The following VWA3B variants were observed in gnomAD, a reference collection of about 807,000 sequenced individuals.
The protein encoded by VWA3B is von Willebrand factor A domain containing 3B.
In VWA3B, 138 loss-of-function variants were observed where a neutral mutation model predicts 158.3. The ratio of observed to expected loss-of-function variants is 0.87; its 90% CI spans 0.76 to 1.00. The LOEUF (loss-of-function observed/expected upper bound fraction) is 1.00, where lower values mean the gene tolerates loss of function less well. Among genes scored for constraint, VWA3B ranks in the 50% least tolerant of loss-of-function variants. The pLI is 0.00. For missense variants in VWA3B, 1,555 were observed against 1,565.1 expected (o/e 0.99, Z 0.11); for synonymous variants, 596 against 587.3 (o/e 1.01, Z -0.21).
intron 12 of VWA3B, chr2:98,206,689 A>G: frequency 3.0e-6 from 1 of 331,040 alleles, no homozygotes; most frequent in African/African-American, 2.2e-5. Context: ...TTGAGCAAGA[A>G]ATTCTGGTGG....
chr2:98,270,669 C>G lies in VWA3B; in HGVS notation c.2844-13C>G, dbSNP rs62157895. ...TCTTCCTCTGTTTGTTTGTTTGTTT[C>G]TTTGTTTTTTAGGTTAGATGCAAAC... On this transcript the variant is annotated splice_polypyrimidine_tract_variant and intron_variant, in intron 21 of 27. Coordinates refer to ENST00000477737, the MANE Select transcript of VWA3B (RefSeq NM_144992.5). 0.056 allele frequency: 89,699 copies of G among 1,602,864 alleles called. 3,071 individuals are homozygous for G. The highest frequency in any genetic ancestry group is 0.067 in the Non-Finnish European group (78,496 of 1,173,984).
intron 12 of VWA3B, among the ~76,000 whole-genome samples, chr2:98,209,565 C>G (rs191470874): frequency 1.3e-5 from 2 of 152,172 alleles, no homozygotes; most frequent in African/African-American, 4.8e-5. Flanking sequence ...CAGGCGTGAG[C>G]CACCGCGCCC....
At chr2:98,194,319 A>T in intron 11 of VWA3B, 42 bp from the exon 12 acceptor site, 1 of 1,598,322 alleles carries the variant, frequency 6.3e-7, no homozygotes, top group African/African-American at 1.3e-5. Flanking sequence ...CCTTTCTAAC[A>T]TCTGAGTGGT....
chr2:98,156,730 C>T (rs1195037498), intron 7 of VWA3B, among the ~76,000 whole-genome samples: 2 of 138,822 alleles, frequency 1.4e-5, no homozygotes, highest in African/African-American at 2.6e-5. Flanking sequence ...TCTGAATTTA[C>T]ATGTCAATAA....
At chr2:98,089,273 T>C (rs1682098943) in intron 1 of VWA3B, among the ~76,000 whole-genome samples, 1 of 152,178 alleles carries the variant, frequency 6.6e-6, no homozygotes, top group African/African-American at 2.4e-5. Flanking sequence ...TTTGTCTCCG[T>C]AGTCATTGAA....
chr2:98,124,421 A>T (rs1199912125), intron 5 of VWA3B, among the ~76,000 whole-genome samples: 1 of 152,142 alleles, frequency 6.6e-6, no homozygotes, highest in Non-Finnish European at 1.5e-5. Flanking sequence ...GAGACCCTGA[A>T]ACCTGGGAGG....
chr2:98,242,714 G>A (rs1686158060), intron 19 of VWA3B, among the ~76,000 whole-genome samples: 1 of 144,262 alleles, frequency 6.9e-6, no homozygotes, highest in African/African-American at 2.6e-5. Context: ...AGTATGCAGT[G>A]CACCCTCATC....
At chr2:98,179,646 CCTTT>C (rs765325773) in intron 8 of VWA3B, among the ~76,000 whole-genome samples, 9 of 152,100 alleles carry the variant, frequency 5.9e-5, no homozygotes, top group East Asian at 1.9e-4. Flanking sequence ...TTCCTTTCTT[CCTTT>C]CTTTCTCTTT....
intron 23 of VWA3B, chr2:98,291,034 C>T (rs1166837458): frequency 7.0e-5 from 11 of 157,974 alleles, no homozygotes; most frequent in Non-Finnish European, 1.5e-4. Context: ...AGATACAGTG[C>T]CATAGAGAAA....
intron 8 of VWA3B, among the ~76,000 whole-genome samples, chr2:98,168,453 T>A (rs2105281027): frequency 6.6e-6 from 1 of 151,758 alleles, no homozygotes; most frequent in South Asian, 2.1e-4. Context: ...TTCAAAAAAT[T>A]CTTTGAATGT....
Position 98,231,966 on chromosome 2 carries a change from T to C in VWA3B, c.2308+1759T>C, listed in dbSNP as rs10177774. Among the ~76,000 whole-genome samples the C allele has an allele frequency of 2.0e-3, 304 of 152,314 alleles. 1 individual carries two copies. The highest frequency in any genetic ancestry group is 7.0e-3 in the African/African-American group (291 of 41,560). ...ATCTATAGTTCTTTTAATTTTTCTT[T>C]TTTAACACTGACTTCATCCAGCTTT... On this transcript the variant is annotated intron_variant, in intron 16 of 27. Transcript: ENST00000477737.
intron 8 of VWA3B, among the ~76,000 whole-genome samples, chr2:98,175,010 A>G (rs1679887299): frequency 6.6e-6 from 1 of 152,218 alleles, no homozygotes; most frequent in Non-Finnish European, 1.5e-5. Flanking sequence ...GTGATAAACA[A>G]ACAACCACCA....
intron 19 of VWA3B, among the ~76,000 whole-genome samples, chr2:98,248,621 C>T (rs968820647): frequency 6.6e-6 from 1 of 152,146 alleles, no homozygotes; most frequent in African/African-American, 2.4e-5. Flanking sequence ...TTGAGCCTGA[C>T]ATAGGCCTTT....
intron 2 of VWA3B, among the ~76,000 whole-genome samples, chr2:98,113,243 G>T (rs1674282256): frequency 6.6e-6 from 1 of 152,190 alleles, no homozygotes; most frequent in South Asian, 2.1e-4. Context: ...GTGAATGGTT[G>T]TAGAGACTTT....
At chr2:98,106,338 A>AAAATTGTT (rs1673656745) in intron 2 of VWA3B, among the ~76,000 whole-genome samples, 1 of 151,472 alleles carries the variant, frequency 6.6e-6, no homozygotes, top group African/African-American at 2.4e-5. Flanking sequence ...TTTTTTTTTC[A>AAAATTGTT]AAATTGTTTT....
chr2:98,163,127 G>A (rs920693370), intron 8 of VWA3B, 151 bp downstream of exon 8: 2 of 1,244,212 alleles, frequency 1.6e-6, no homozygotes, highest in Admixed American at 2.4e-5. Flanking sequence ...GTGGGGTGAG[G>A]GGTGGGGAGG....
chr2:98,170,740 G>A (rs376612151), intron 8 of VWA3B, among the ~76,000 whole-genome samples: 42 of 152,046 alleles, frequency 2.8e-4, no homozygotes, highest in African/African-American at 9.4e-4. Flanking sequence ...CTGAGTAGCT[G>A]GGACTACAGG....
intron 21 of VWA3B, among the ~76,000 whole-genome samples, chr2:98,265,205 CA>C (rs1168824608): frequency 4.0e-5 from 6 of 150,284 alleles, no homozygotes; most frequent in Non-Finnish European, 7.4e-5. Context: ...CCCCCCACCC[CA>C]CAACAGTCCC....
At position 98,105,315 on chromosome 2, in the gene VWA3B, A is replaced by G. The variant is rs1683360433; in HGVS notation, c.197-10337A>G. Among the ~76,000 whole-genome samples the G allele has an allele frequency of 2.0e-5, 3 of 152,216 alleles. No individual in the cohort carries two copies. In the South Asian group the frequency reaches 6.2e-4, roughly 31 times the overall value. ...TCTGAGGTAATTGTAAAGTGTAAAGATCCCATGTACCTTTCACCCAGTTTT... is the reference window on the plus strand; with the variant it reads ...TCTGAGGTAATTGTAAAGTGTAAAGGTCCCATGTACCTTTCACCCAGTTTT... On this transcript the variant is annotated intron_variant, in intron 2 of 27. Transcript: ENST00000477737.
Sources: allele counts gnomAD v4.1 joint callset (sites outside exome capture counted in the v4.1 genomes callset), GRCh38; gene constraint gnomAD v4.1.1; transcripts MANE v1.5; gene names NCBI Gene and HGNC (gene_info 2026-07-23, HGNC 2026-07-21).